ATRN: variants seen among roughly 807,000 people sequenced by gnomAD.
ATRN encodes the protein attractin-2.
A neutral mutation model predicts 178.7 loss-of-function variants in ATRN; 54 were observed. That is an observed-to-expected ratio of 0.30 (90% confidence interval 0.24 to 0.38). The LOEUF is 0.38. ATRN is among the 10% of genes least tolerant of loss of function. The probability of loss-of-function intolerance (pLI) is 1.00; values close to 1 mark genes in which losing one functional copy is unlikely to be tolerated. For missense variants in ATRN, 1,443 were observed against 1,815.1 expected, an observed-to-expected ratio of 0.79 and a Z score of 3.73; for synonymous variants, 636 against 663.0, an observed-to-expected ratio of 0.96 and a Z score of 0.63.
intron 1 of ATRN, among the ~76,000 whole-genome samples, chr20:3,509,597 A>G (rs576979504): frequency 1.3e-5 from 2 of 151,446 alleles, no homozygotes; most frequent in African/African-American, 4.9e-5. Context: ...CCCTAGGTTC[A>G]AGTGATTCGT....
chr20:3,524,940 C>G (rs2085344533), intron 1 of ATRN, among the ~76,000 whole-genome samples: 2 of 152,076 alleles, frequency 1.3e-5, no homozygotes, highest in African/African-American at 4.8e-5. Flanking sequence ...ACTAAATGCC[C>G]ACAGGAGAAA....
Position 3,541,299 on chromosome 20 carries a change from G to T in ATRN, c.608+964G>T, listed in dbSNP as rs1303265161. On this transcript the variant is annotated intron_variant, in intron 3 of 28. Coordinates refer to ENST00000262919, the MANE Select transcript of ATRN (RefSeq NM_139321.3). ...TCACCGTGTTAGCCAGGATGGTCTC[G>T]ATCTCCTGACCTCGTGATCCGCCCG... 2.0e-5 allele frequency among the ~76,000 whole-genome samples: 3 copies of T among 151,894 alleles called. No individual in the cohort carries two copies. In the South Asian group the frequency reaches 6.3e-4, roughly 32 times the overall value.
Position 3,645,628 on chromosome 20 carries a change from C to A in ATRN, c.4166-1095C>A, listed in dbSNP as rs1313260389. On this transcript the variant is annotated intron_variant, in intron 28 of 28. Transcript: ENST00000262919. This position sits in a 1 kb window ranked among gnomAD's most constrained non-coding sequence, Gnocchi z 4.7. ...ACACCTAATAAAGGTCTGCTCAATG[C>A]TTGAGACCCACCCAACAGTGGGGCC... Among the ~76,000 whole-genome samples the A allele has an allele frequency of 6.6e-6, 1 of 152,186 alleles. No homozygotes were observed. Among genetic ancestry groups the A allele is most frequent in the Non-Finnish European group, 1.5e-5 (1 of 68,034 alleles).
intron 24 of ATRN, among the ~76,000 whole-genome samples, chr20:3,617,027 T>C (rs1198127448): frequency 6.6e-5 from 10 of 152,228 alleles, no homozygotes. Context: ...CAGATGAGTA[T>C]ATAGTTGTTA....
At chr20:3,492,649 G>A (rs2084811112) in intron 1 of ATRN, among the ~76,000 whole-genome samples, 1 of 152,028 alleles carries the variant, frequency 6.6e-6, no homozygotes, top group Non-Finnish European at 1.5e-5. Context: ...GGGATATCAA[G>A]TACAGGAAGA....
chr20:3,512,403 C>T (rs2085147446), intron 1 of ATRN, among the ~76,000 whole-genome samples: 1 of 151,886 alleles, frequency 6.6e-6, no homozygotes, highest in Non-Finnish European at 1.5e-5. Flanking sequence ...TGATGGTTTC[C>T]AGCTTCATCC....
At chr20:3,540,414 G>C in intron 3 of ATRN, 79 bp downstream of exon 3, 1 of 882,380 alleles carries the variant, frequency 1.1e-6, no homozygotes, top group South Asian at 1.6e-5. Context: ...ATTCTTACTG[G>C]GTTCACCTTT....
intron 26 of ATRN, among the ~76,000 whole-genome samples, chr20:3,637,466 T>A (rs1377668475): frequency 6.6e-6 from 1 of 152,138 alleles, no homozygotes; most frequent in East Asian, 1.9e-4. Flanking sequence ...AATGTAAGAA[T>A]GTTGGTATTT....
intron 25 of ATRN, among the ~76,000 whole-genome samples, chr20:3,626,778 T>C (rs944813476): frequency 9.4e-6 from 1 of 106,750 alleles, no homozygotes; most frequent in African/African-American, 4.1e-5. Flanking sequence ...ATATGAATTA[T>C]TTCTTTTTTT....
chr20:3,583,575 A>G (rs956187097), intron 16 of ATRN, among the ~76,000 whole-genome samples: 2 of 152,190 alleles, frequency 1.3e-5, no homozygotes, highest in Non-Finnish European at 2.9e-5. Context: ...TTAGGAGGCC[A>G]AGACGGGTGG....
intron 1 of ATRN, among the ~76,000 whole-genome samples, chr20:3,500,061 C>T (rs1330368812): frequency 6.6e-6 from 1 of 152,144 alleles, no homozygotes; most frequent in Admixed American, 6.5e-5. Context: ...GACATTTATG[C>T]AGCCAAAAAA....
chr20:3,495,879 C>T (rs1000682983), intron 1 of ATRN, among the ~76,000 whole-genome samples: 31 of 151,600 alleles, frequency 2.0e-4, no homozygotes, highest in African/African-American at 6.8e-4. Context: ...TATATATAAA[C>T]ACACCAATGG....
At chr20:3,622,586 G>T (rs1036813012) in intron 24 of ATRN, among the ~76,000 whole-genome samples, 3 of 152,198 alleles carry the variant, frequency 2.0e-5, no homozygotes, top group Non-Finnish European at 4.4e-5. Context: ...TTGTCATCTT[G>T]TCAGTCAAAG....
At chr20:3,634,496 AC>A (rs2087011751) in intron 26 of ATRN, 107 bp downstream of exon 26, 1 of 943,560 alleles carries the variant, frequency 1.1e-6, no homozygotes, top group East Asian at 2.5e-5. Flanking sequence ...GGACAGACAG[AC>A]ATCTCCACGG....
At chr20:3,478,123 T>C (rs1295553586) in intron 1 of ATRN, among the ~76,000 whole-genome samples, 2 of 152,228 alleles carry the variant, frequency 1.3e-5, no homozygotes, top group African/African-American at 4.8e-5. Context: ...GCCATTCTAA[T>C]GTACCTAACC....
At chr20:3,506,000 G>A (rs970488033) in intron 1 of ATRN, among the ~76,000 whole-genome samples, 7 of 152,164 alleles carry the variant, frequency 4.6e-5, no homozygotes, top group African/African-American at 1.7e-4. Flanking sequence ...TATCTTGACT[G>A]TGGAGGTAGA....
At chr20:3,502,712 G>A (rs1470583301) in intron 1 of ATRN, among the ~76,000 whole-genome samples, 1 of 152,200 alleles carries the variant, frequency 6.6e-6, no homozygotes, top group African/African-American at 2.4e-5. Context: ...ACTGGTAAGA[G>A]AGACCCAACT....
At chr20:3,476,301 A>G (rs776536765) in intron 1 of ATRN, among the ~76,000 whole-genome samples, 1 of 152,168 alleles carries the variant, frequency 6.6e-6, no homozygotes, top group Non-Finnish European at 1.5e-5. Context: ...AGTTGTGCAA[A>G]ATTGAGATTT....
At chr20:3,542,602 TC>T (rs1454797142) in intron 3 of ATRN, among the ~76,000 whole-genome samples, 7 of 98,306 alleles carry the variant, frequency 7.1e-5, no homozygotes, top group African/African-American at 2.1e-4. Context: ...CCCTTCCCCT[TC>T]CCCCTTCCCC....
Sources: allele counts gnomAD v4.1 joint callset (sites outside exome capture counted in the v4.1 genomes callset), GRCh38; gene constraint gnomAD v4.1.1; non-coding constraint Gnocchi (gnomAD v3.1); transcripts MANE v1.5; gene names NCBI Gene and HGNC (gene_info 2026-07-23, HGNC 2026-07-21).